PROCR: variants seen among roughly 807,000 people sequenced by gnomAD.
PROCR encodes the protein endothelial protein C receptor.
A neutral mutation model predicts 24.2 loss-of-function variants in PROCR; 22 were observed. The ratio of observed to expected loss-of-function variants is 0.91; its 90% confidence interval spans 0.65 to 1.30. PROCR has a LOEUF of 1.30. Among genes scored for constraint, PROCR ranks in the 50% most tolerant of loss-of-function variants. The pLI is 0.00. For missense variants in PROCR, 288 were observed against 307.7 expected (o/e 0.94, Z 0.48); for synonymous variants, 137 against 139.2 (o/e 0.98, Z 0.11).
At chr20:35,173,514 C>T (rs2085972778) in intron 1 of PROCR, among the ~76,000 whole-genome samples, 2 of 146,734 alleles carry the variant, frequency 1.4e-5, no homozygotes. Context: ...ACTGTAACCT[C>T]CAACTCCCAG....
Position 35,177,036 on chromosome 20 carries a change from T to C in PROCR, c.*223T>C. On this transcript the variant is annotated 3_prime_UTR_variant, in exon 4 of 4. Coordinates refer to ENST00000216968, the MANE Select transcript of PROCR (RefSeq NM_006404.5). Reference sequence around the variant, plus strand: ...CTAAGAACCTAAGAACGTGTATGCTTTGCTGAATTAGTCTGATAAGTGAAT... The same window carrying C: ...CTAAGAACCTAAGAACGTGTATGCTCTGCTGAATTAGTCTGATAAGTGAAT... The C allele has an allele frequency of 7.4e-7, 1 of 1,359,222 alleles. No individual in the cohort carries two copies. Among genetic ancestry groups the C allele is most frequent in the Non-Finnish European group, 9.5e-7 (1 of 1,051,690 alleles). 84.2% of individuals were successfully genotyped at this position (1,359,222 alleles called of 1,614,324 possible). A position where few individuals can be genotyped will look rare whatever the true frequency, so the allele number is the denominator to read the frequency against.
chr20:35,180,760 CT>C (rs2086070764), downstream of PROCR, among the ~76,000 whole-genome samples: 1 of 152,168 alleles, frequency 6.6e-6, no homozygotes, highest in Admixed American at 6.5e-5. Flanking sequence ...AAGAAATTGC[CT>C]CTAATTTCTC....
chr20:35,179,881 A>G (rs1338480433), downstream of PROCR, among the ~76,000 whole-genome samples: 1 of 152,182 alleles, frequency 6.6e-6, no homozygotes, highest in African/African-American at 2.4e-5. Context: ...GCTTTTGTTC[A>G]AGATATCATA....
intron 1 of PROCR, among the ~76,000 whole-genome samples, chr20:35,192,270 G>A (rs946166543): frequency 2.0e-5 from 3 of 152,224 alleles, no homozygotes; most frequent in African/African-American, 7.2e-5. Context: ...TACAAGATTA[G>A]TCATAGCTGT....
At chr20:35,178,040 C>T (rs777843019), downstream of PROCR, among the ~76,000 whole-genome samples, 1 of 152,082 alleles carries the variant, frequency 6.6e-6, no homozygotes, top group East Asian at 1.9e-4. Flanking sequence ...GACCTACTGA[C>T]CTTCATGGCT....
chr20:35,186,179 T>C (rs1211641021), intron 1 of PROCR, among the ~76,000 whole-genome samples: 1 of 152,166 alleles, frequency 6.6e-6, no homozygotes, highest in African/African-American at 2.4e-5. Flanking sequence ...TGTTAATTGA[T>C]GGAGAAACAA....
At chr20:35,200,040 C>T (rs1441802832) in intron 1 of PROCR, among the ~76,000 whole-genome samples, 3 of 152,162 alleles carry the variant, frequency 2.0e-5, no homozygotes, top group South Asian at 2.1e-4. Context: ...GTGAAGCCTG[C>T]AAATGTGGCT....
chr20:35,176,713 G>T lies in PROCR; in HGVS notation c.617G>T (p.Arg206Leu). ...AENTKGSQTS[R>L]SYTSLVLGVL... ...TGTTCTGCAGGGAGCCAAACAAGCC[G>T]CTCCTACACTTCGCTGGTCCTGGGC... The change falls in exon 4 of 4, where the codon CGC becomes CTC. Residue 206 changes from arginine (R) to leucine (L), a missense_variant. Arg to Leu is a moderately radical substitution (Grantham distance 102). Coordinates refer to ENST00000216968, the MANE Select transcript of PROCR (RefSeq NM_006404.5). 6.2e-7 allele frequency: 1 copy of T among 1,611,784 alleles called. No homozygotes were observed. The highest frequency in any genetic ancestry group is 8.5e-7 in the Non-Finnish European group (1 of 1,179,028).
At chr20:35,178,517 T>TTTTTTTTG (rs2086047720), downstream of PROCR, among the ~76,000 whole-genome samples, 2 of 49,328 alleles carry the variant, frequency 4.1e-5, no homozygotes, top group Non-Finnish European at 7.4e-5. Context: ...GTTTTTTTTT[T>TTTTTTTTG]TTTTTTTTTT....
chr20:35,183,937 G>C (rs1277840957), intron 1 of PROCR, among the ~76,000 whole-genome samples: 1 of 152,126 alleles, frequency 6.6e-6, no homozygotes, highest in African/African-American at 2.4e-5. Context: ...AATGGCTATA[G>C]GAGGATGGAT....
intron 1 of PROCR, among the ~76,000 whole-genome samples, chr20:35,194,839 C>T (rs79566357): frequency 0.039 from 5,903 of 152,180 alleles, 153 homozygotes; most frequent in Middle Eastern, 0.071. Flanking sequence ...GAGTTATTTG[C>T]CTGCTAAAAT....
chr20:35,178,277 G>A (rs945099067), downstream of PROCR, among the ~76,000 whole-genome samples: 2 of 151,028 alleles, frequency 1.3e-5, no homozygotes, highest in African/African-American at 2.4e-5. Flanking sequence ...GGTGGCACGC[G>A]CCTGTAATCC....
upstream of PROCR, chr20:35,172,063 A>G: frequency 8.3e-7 from 1 of 1,201,136 alleles, no homozygotes. Flanking sequence ...CCCCTCCCAG[A>G]CGGTCCTCAC....
chr20:35,179,665 C>T (rs2086060014), downstream of PROCR, among the ~76,000 whole-genome samples: 1 of 152,124 alleles, frequency 6.6e-6, no homozygotes, highest in South Asian at 2.1e-4. Flanking sequence ...TCAAAATCAA[C>T]ATGTTCAAAA....
intron 1 of PROCR, among the ~76,000 whole-genome samples, chr20:35,210,486 G>A (rs1259502661): frequency 6.6e-6 from 1 of 152,088 alleles, no homozygotes; most frequent in Non-Finnish European, 1.5e-5. Context: ...GATTGAGGCT[G>A]CAGTAAGCTA....
At chr20:35,176,117 C>T in intron 2 of PROCR, 51 bp from the exon 3 acceptor site, 1 of 1,582,154 alleles carries the variant, frequency 6.3e-7, no homozygotes, top group Non-Finnish European at 8.7e-7. Context: ...CCTCGCCCCA[C>T]ACCTGGCACC....
downstream of PROCR, among the ~76,000 whole-genome samples, chr20:35,180,666 C>G (rs2086069864): frequency 6.6e-6 from 1 of 152,094 alleles, no homozygotes; most frequent in Non-Finnish European, 1.5e-5. Flanking sequence ...CCAGATAACC[C>G]AACTTGTGTG....
intron 1 of PROCR, among the ~76,000 whole-genome samples, chr20:35,210,769 A>G (rs546156490): frequency 6.6e-6 from 1 of 150,718 alleles, no homozygotes; most frequent in African/African-American, 2.4e-5. Context: ...CTAGAGAGCA[A>G]TGGTGTGATC....
intron 1 of PROCR, among the ~76,000 whole-genome samples, chr20:35,206,480 A>AC (rs1420466831): frequency 1.3e-5 from 2 of 150,948 alleles, no homozygotes; most frequent in Non-Finnish European, 3.0e-5. Flanking sequence ...ATCTCAAAAA[A>AC]AAAAAAAAAA....
Sources: allele counts gnomAD v4.1 joint callset (sites outside exome capture counted in the v4.1 genomes callset), GRCh38; gene constraint gnomAD v4.1.1; transcripts MANE v1.5; gene names NCBI Gene and HGNC (gene_info 2026-07-23, HGNC 2026-07-21).